Variants in CPSF2 observed in about 807,000 individuals in gnomAD.
CPSF2 encodes the protein cleavage and polyadenylation specific factor 2.
CPSF2 carries 51 observed loss-of-function variants against 84.2 expected under a neutral mutation model. The observed-to-expected ratio is 0.61, with a 90% confidence interval of 0.48 to 0.77. The LOEUF is 0.77. Among genes scored for constraint, CPSF2 ranks in the 30% least tolerant of loss-of-function variants. The pLI, the probability that CPSF2 is intolerant of heterozygous loss-of-function variation, is 0.00. For missense variants in CPSF2, 641 were observed against 929.4 expected, an observed-to-expected ratio of 0.69 and a Z score of 4.03; for synonymous variants, 286 against 311.9, an observed-to-expected ratio of 0.92 and a Z score of 0.87.
At position 92,170,064 on chromosome 14, in the gene CPSF2, G is replaced by A. The variant is rs1174695389; in HGVS notation, c.*8320G>A. On this transcript the variant is annotated 3_prime_UTR_variant, in exon 16 of 16. Coordinates refer to ENST00000298875, the MANE Select transcript of CPSF2 (RefSeq NM_017437.3). ...TGAGGCAGGAGGATCCCTTGAGATT[G>A]AGGCTTCAGTGAGCTAATGATCGCG... The A allele has an allele frequency of 3.3e-5, 5 of 152,276 alleles. No homozygotes were observed. The East Asian group carries it at 9.7e-4, about 29-fold the overall frequency. The allele number at this position is 152,276 out of a possible 1,614,324, so 9.4% of individuals were successfully genotyped here.
At chr14:92,147,999 A>G (rs964490456) in intron 9 of CPSF2, among the ~76,000 whole-genome samples, 3 of 152,220 alleles carry the variant, frequency 2.0e-5, no homozygotes, top group African/African-American at 7.2e-5. Context: ...TGTGGGTATT[A>G]TAGGTGTGAG....
At chr14:92,151,997 C>G (rs1595063431) in intron 9 of CPSF2, among the ~76,000 whole-genome samples, 1 of 110,954 alleles carries the variant, frequency 9.0e-6, no homozygotes, top group South Asian at 3.4e-4. Context: ...GGCAATGGAG[C>G]AAGACCCTGT....
At chr14:92,158,919 A>C in intron 13 of CPSF2, 64 bp from the exon 14 acceptor site, 1 of 1,367,182 alleles carries the variant, frequency 7.3e-7, no homozygotes, top group South Asian at 1.4e-5. Flanking sequence ...ATAATAGGTT[A>C]TATTTAATTT....
intron 2 of CPSF2, among the ~76,000 whole-genome samples, chr14:92,127,784 G>A (rs776576560): frequency 2.0e-5 from 3 of 152,184 alleles, no homozygotes; most frequent in Non-Finnish European, 2.9e-5. Context: ...GGCCTTGGAT[G>A]GGAGCAGGAC....
intron 10 of CPSF2, among the ~76,000 whole-genome samples, chr14:92,154,690 A>G (rs1267210632): frequency 1.3e-5 from 2 of 152,222 alleles, no homozygotes; most frequent in Non-Finnish European, 2.9e-5. Flanking sequence ...TATTCCAGTC[A>G]TGCATCACTT....
chr14:92,141,913 G>A (rs915275261), intron 7 of CPSF2, among the ~76,000 whole-genome samples: 2 of 152,094 alleles, frequency 1.3e-5, no homozygotes, highest in African/African-American at 4.8e-5. Context: ...AAGTGTTGAG[G>A]ACTACTGATT....
At position 92,134,099 on chromosome 14, in the gene CPSF2, C is replaced by T. The variant is rs779575721; in HGVS notation, c.238C>T (p.Leu80=). The change falls in exon 4 of 16, where the codon CTG becomes TTG. Residue 80 remains leucine (L), a synonymous_variant. Coordinates refer to ENST00000298875, the MANE Select transcript of CPSF2 (RefSeq NM_017437.3). ...CCCGTATGCTGTCGGAAAGTTGGGT[C>T]TGAACTGTGCTATCTATGCAACCAT... is the stretch of plus-strand genomic sequence containing the variant. ...ALPYAVGKLG[L]NCAIYATIPV... is the part of the protein sequence containing the mutation. 1 of 1,614,106 alleles carries T rather than the reference C, an allele frequency of 6.2e-7. No homozygotes were observed. Among genetic ancestry groups the T allele is most frequent in the Non-Finnish European group, 8.5e-7 (1 of 1,179,950 alleles).
rs2069414326 is a variant in CPSF2, at chr14:92,164,169, G to A, written c.*2425G>A. The stretch of plus-strand genomic sequence containing the variant: ...AGGCCTCCCCAGCCTGTGGGACTGT[G>A]AGTCAATTAAACGTGTTTACTTTAT... On this transcript the variant is annotated 3_prime_UTR_variant, in exon 16 of 16. Coordinates refer to ENST00000298875, the MANE Select transcript of CPSF2 (RefSeq NM_017437.3). The A allele has an allele frequency of 6.6e-6, 1 of 152,498 alleles. No homozygotes were observed. Among genetic ancestry groups the A allele is most frequent in the South Asian group, 2.1e-4 (1 of 4,830 alleles). The allele number at this position is 152,498 out of a possible 1,614,324, so 9.4% of individuals were successfully genotyped here. A position where few individuals can be genotyped will look rare whatever the true frequency, so the allele number is the denominator to read the frequency against.
Position 92,157,991 on chromosome 14 carries a change from C to T in CPSF2, c.1821+107C>T, listed in dbSNP as rs2069313415. 1.3e-6 allele frequency: 1 copy of T among 761,530 alleles called. No individual in the cohort carries two copies. The highest frequency in any genetic ancestry group is 1.6e-5 in the South Asian group (1 of 62,914). 47.2% of individuals were successfully genotyped at this position (761,530 alleles called of 1,614,324 possible). A position where few individuals can be genotyped will look rare whatever the true frequency, so the allele number is the denominator to read the frequency against. The stretch of plus-strand genomic sequence containing the variant: ...GATGTGTGAGACAGACATGGATGGT[C>T]TCCTGCCCTAGCAGACCTCATAGGG... On this transcript the variant is annotated intron_variant, in intron 13 of 15. Transcript: ENST00000298875. The surrounding 1 kb of genome is among the most constrained non-coding windows in gnomAD (Gnocchi z 4.0).
chr14:92,122,694 TTTGAC>T (rs1434304669), intron 1 of CPSF2, among the ~76,000 whole-genome samples: 1 of 147,858 alleles, frequency 6.8e-6, no homozygotes, highest in Non-Finnish European at 1.5e-5. Context: ...CTAATTCTTT[TTTGAC>T]TTCGTACTAT....
Position 92,137,370 on chromosome 14 carries a change from T to A in CPSF2, c.546-862T>A, listed in dbSNP as rs538912549. ...GACTACAGGTGCGCTCTAACATGCC[T>A]GGCTATTTTTGTAATTTTAGTAGAG... On this transcript the variant is annotated intron_variant, in intron 6 of 15. Coordinates refer to ENST00000298875, the MANE Select transcript of CPSF2 (RefSeq NM_017437.3). 5.3e-5 allele frequency among the ~76,000 whole-genome samples: 8 copies of A among 152,232 alleles called. No homozygotes were observed. The South Asian group carries it at 1.5e-3, about 28-fold the overall frequency.
chr14:92,153,450 G>C (rs1567024659), intron 9 of CPSF2, among the ~76,000 whole-genome samples: 1 of 151,966 alleles, frequency 6.6e-6, no homozygotes, highest in Non-Finnish European at 1.5e-5. Flanking sequence ...AATGTCAAAG[G>C]GAGTTTTTCT....
rs993667357 is a variant in CPSF2, at chr14:92,131,204, G to A, written c.149+71G>A. 68 of 1,279,052 alleles carry A rather than the reference G, an allele frequency of 5.3e-5. 1 individual carries two copies. The Admixed American group carries it at 1.2e-3, about 23-fold the overall frequency. The allele number at this position is 1,279,052 out of a possible 1,614,324, so 79.2% of individuals were successfully genotyped here. ...CTTTTCTGTACTGTAATACCATTTC[G>A]ATGTGATAAATACTGCCTTTTTACA... On this transcript the variant is annotated intron_variant, in intron 3 of 15. Transcript: ENST00000298875.
At chr14:92,125,187 GA>G (rs1489347960) in intron 1 of CPSF2, among the ~76,000 whole-genome samples, 2 of 152,158 alleles carry the variant, frequency 1.3e-5, no homozygotes, top group Non-Finnish European at 2.9e-5. Context: ...GAGAAACTGA[GA>G]AACCCAAACA....
At chr14:92,153,098 A>G (rs1019058797) in intron 9 of CPSF2, among the ~76,000 whole-genome samples, 1 of 105,504 alleles carries the variant, frequency 9.5e-6, no homozygotes, top group Non-Finnish European at 2.0e-5. Flanking sequence ...ATTGCCTTTT[A>G]ACATAGTTGC....
At chr14:92,158,556 C>T (rs1487533638) in intron 13 of CPSF2, among the ~76,000 whole-genome samples, 1 of 152,108 alleles carries the variant, frequency 6.6e-6, no homozygotes, top group Non-Finnish European at 1.5e-5. Context: ...AAAGGACAAG[C>T]AGTTCAGTAC....
chr14:92,125,634 C>A (rs7140188), intron 1 of CPSF2, among the ~76,000 whole-genome samples: 6 of 151,890 alleles, frequency 4.0e-5, no homozygotes, highest in African/African-American at 1.2e-4. Context: ...TTTCCAAGGC[C>A]TTTCACTATC....
In CPSF2 at chr14:92,170,427, C is replaced by T. The variant is rs920664026; in HGVS notation, c.*8683C>T. 6.6e-6 allele frequency: 1 copy of T among 152,192 alleles called. No homozygotes were observed. The highest frequency in any genetic ancestry group is 2.4e-5 in the African/African-American group (1 of 41,452). 9.4% of individuals were successfully genotyped at this position (152,192 alleles called of 1,614,324 possible). ...CTTTTTAAAAACAAGGACACTCCTA[C>T]ATAACCACAGTACTTAAAATCAGGA... is the stretch of plus-strand genomic sequence containing the variant. On this transcript the variant is annotated 3_prime_UTR_variant, in exon 16 of 16. Coordinates refer to ENST00000298875, the MANE Select transcript of CPSF2 (RefSeq NM_017437.3).
chr14:92,143,764 C>T (rs1382559594), intron 9 of CPSF2, among the ~76,000 whole-genome samples: 1 of 148,674 alleles, frequency 6.7e-6, no homozygotes, highest in Non-Finnish European at 1.5e-5. Flanking sequence ...TGCCACCATG[C>T]CTGGCTATTT....
Sources: gnomAD v4.1 joint callset for allele counts (sites outside exome capture counted in the v4.1 genomes callset) on GRCh38, gnomAD v4.1.1 for gene constraint, Gnocchi (gnomAD v3.1) non-coding constraint, MANE v1.5 for transcripts, NCBI Gene and HGNC (gene_info 2026-07-23, HGNC 2026-07-21) for gene names.